The following ABHD17C variants were observed in gnomAD, a reference collection of about 807,000 sequenced individuals.
ABHD17C encodes the protein abhydrolase domain containing 17C, depalmitoylase, also known as alpha/beta hydrolase domain-containing protein 17C.
In ABHD17C, 11 loss-of-function variants were observed where a neutral mutation model predicts 27.9. The observed-to-expected ratio is 0.39, with a 90% CI of 0.25 to 0.65. The LOEUF is 0.65. Ranked by LOEUF, ABHD17C falls within the 30% of genes least tolerant of loss-of-function variation. The probability of loss-of-function intolerance (pLI) is 0.45; values close to 1 mark genes in which losing one functional copy is unlikely to be tolerated. For synonymous variants in ABHD17C, 233 were observed against 209.1 expected, an observed-to-expected ratio of 1.11 and a Z score of -0.98; for missense variants, 280 against 470.2, an observed-to-expected ratio of 0.60 and a Z score of 3.74.
At chr15:80,735,112 A>G (rs555696116) in intron 1 of ABHD17C, among the ~76,000 whole-genome samples, 23 of 152,276 alleles carry the variant, frequency 1.5e-4, no homozygotes, top group African/African-American at 5.3e-4. Context: ...CTGTGGCAGG[A>G]GAAAGAATGA....
intron 1 of ABHD17C, among the ~76,000 whole-genome samples, chr15:80,705,899 C>T (rs1249283337): frequency 1.3e-5 from 2 of 152,088 alleles, no homozygotes; most frequent in Non-Finnish European, 2.9e-5. Context: ...GAGAGGAAAC[C>T]CTACCTGTAA....
chr15:80,724,210 G>A (rs1330069983), intron 1 of ABHD17C, among the ~76,000 whole-genome samples: 4 of 151,978 alleles, frequency 2.6e-5, no homozygotes, highest in Admixed American at 1.3e-4. Context: ...GGTGTGGTGG[G>A]GCATGCCTTT....
chr15:80,698,601 C>G (rs139326211), intron 1 of ABHD17C, among the ~76,000 whole-genome samples: 7 of 152,194 alleles, frequency 4.6e-5, no homozygotes, highest in African/African-American at 1.2e-4. Flanking sequence ...CTTGGTTATT[C>G]TGCTGACATA....
intron 1 of ABHD17C, among the ~76,000 whole-genome samples, chr15:80,711,797 T>C (rs1266492397): frequency 1.3e-5 from 2 of 152,382 alleles, no homozygotes; most frequent in African/African-American, 2.4e-5. Flanking sequence ...TTTCCTCTTA[T>C]TTACATTTGC....
At chr15:80,746,189 T>TG (rs1273560283) in intron 1 of ABHD17C, among the ~76,000 whole-genome samples, 1 of 152,216 alleles carries the variant, frequency 6.6e-6, no homozygotes, top group Non-Finnish European at 1.5e-5. Context: ...TTTTTACTAA[T>TG]GAAGTTGAAT....
At chr15:80,747,326 G>A (rs917136619) in intron 1 of ABHD17C, among the ~76,000 whole-genome samples, 4 of 152,034 alleles carry the variant, frequency 2.6e-5, no homozygotes, top group African/African-American at 9.7e-5. Context: ...GACCCCTGAT[G>A]TTATTTATGC....
chr15:80,732,236 T>A (rs1199989718), intron 1 of ABHD17C, among the ~76,000 whole-genome samples: 1 of 152,198 alleles, frequency 6.6e-6, no homozygotes. Context: ...ACTTTTTAGC[T>A]GCAGTGGTGG....
intron 1 of ABHD17C, among the ~76,000 whole-genome samples, chr15:80,708,705 C>G (rs535983498): frequency 6.6e-6 from 1 of 152,320 alleles, no homozygotes; most frequent in Admixed American, 6.5e-5. Flanking sequence ...GGCACCTGGA[C>G]CAGTGCAGCC....
intron 1 of ABHD17C, among the ~76,000 whole-genome samples, chr15:80,706,866 G>A (rs1012462004): frequency 6.6e-6 from 1 of 152,114 alleles, no homozygotes; most frequent in Non-Finnish European, 1.5e-5. Context: ...GATTGTTGTC[G>A]TGATGTTTAA....
At chr15:80,700,143 C>A (rs753876273) in intron 1 of ABHD17C, among the ~76,000 whole-genome samples, 1 of 152,204 alleles carries the variant, frequency 6.6e-6, no homozygotes, top group East Asian at 1.9e-4. Context: ...GCCTCCTCAA[C>A]ACACATCCTT....
chr15:80,744,524 A>G (rs1332726172), intron 1 of ABHD17C, among the ~76,000 whole-genome samples: 3 of 152,236 alleles, frequency 2.0e-5, no homozygotes, highest in Non-Finnish European at 4.4e-5. Context: ...TAGTAAAGAC[A>G]GGAAAAAGCA....
intron 1 of ABHD17C, among the ~76,000 whole-genome samples, chr15:80,731,690 G>C (rs977526976): frequency 4.0e-5 from 6 of 151,216 alleles, no homozygotes; most frequent in Middle Eastern, 3.4e-3. Flanking sequence ...TAATGCCCTT[G>C]GATTTTAGAG....
intron 1 of ABHD17C, among the ~76,000 whole-genome samples, chr15:80,723,263 T>C (rs375703111): frequency 2.6e-4 from 39 of 152,306 alleles, no homozygotes; most frequent in African/African-American, 9.1e-4. Context: ...TTACATGTGC[T>C]GGTGATCAGG....
At chr15:80,710,484 C>T (rs542292171) in intron 1 of ABHD17C, among the ~76,000 whole-genome samples, 5 of 152,120 alleles carry the variant, frequency 3.3e-5, no homozygotes, top group South Asian at 2.1e-4. Context: ...GCTGATATGT[C>T]GAGGGAGGAA....
intron 1 of ABHD17C, among the ~76,000 whole-genome samples, chr15:80,697,675 A>G (rs1361997715): frequency 6.6e-6 from 1 of 151,170 alleles, no homozygotes; most frequent in Non-Finnish European, 1.5e-5. Context: ...GTTGTTTTGG[A>G]TAATGTTGAA....
chr15:80,729,785 A>G (rs1895032661), intron 1 of ABHD17C, among the ~76,000 whole-genome samples: 1 of 152,202 alleles, frequency 6.6e-6, no homozygotes, highest in Non-Finnish European at 1.5e-5. Context: ...TTAGAGAGAC[A>G]GGACTGTTTG....
chr15:80,743,190 C>T (rs1049205858), intron 1 of ABHD17C, among the ~76,000 whole-genome samples: 1 of 152,036 alleles, frequency 6.6e-6, no homozygotes, highest in Non-Finnish European at 1.5e-5. Context: ...AAGAATCTGG[C>T]GCTCAAGTGG....
At chr15:80,726,819 C>T (rs1057339665) in intron 1 of ABHD17C, among the ~76,000 whole-genome samples, 1 of 152,180 alleles carries the variant, frequency 6.6e-6, no homozygotes. Flanking sequence ...GCCGCCACAC[C>T]CAACCCTTTT....
intron 1 of ABHD17C, among the ~76,000 whole-genome samples, chr15:80,736,441 G>A (rs368513632): frequency 9.6e-4 from 146 of 152,304 alleles, no homozygotes; most frequent in African/African-American, 3.4e-3. Flanking sequence ...ACATGACCGA[G>A]GGACTGTGTT....
Sources: allele counts gnomAD v4.1 joint callset (sites outside exome capture counted in the v4.1 genomes callset), GRCh38; gene constraint gnomAD v4.1.1; transcripts MANE v1.5; gene names NCBI Gene and HGNC (gene_info 2026-07-23, HGNC 2026-07-21).